GPC5: variants seen among roughly 807,000 people sequenced by gnomAD.
The protein encoded by GPC5 is glypican 5.
A neutral mutation model predicts 53.9 loss-of-function variants in GPC5; 47 were observed. The observed-to-expected ratio is 0.87, with a 90% CI of 0.69 to 1.11. GPC5 has a LOEUF of 1.11. Among genes scored for constraint, GPC5 ranks in the 50% most tolerant of loss-of-function variants. The pLI, the probability that GPC5 is intolerant of heterozygous loss-of-function variation, is 0.00. For missense variants in GPC5, 748 were observed against 713.1 expected (o/e 1.05, Z -0.56); for synonymous variants, 286 against 263.3 (o/e 1.09, Z -0.84).
chr13:92,647,029 T>C (rs1436681480), intron 7 of GPC5, among the ~76,000 whole-genome samples: 7 of 151,748 alleles, frequency 4.6e-5, no homozygotes, highest in African/African-American at 1.7e-4. Flanking sequence ...AGCTTTTCTG[T>C]AGCCTTTTTG....
chr13:91,472,835 T>C (rs1036229503), intron 2 of GPC5, among the ~76,000 whole-genome samples: 12 of 152,210 alleles, frequency 7.9e-5, no homozygotes, highest in Non-Finnish European at 1.6e-4. Context: ...ATTTCACTGT[T>C]GAATTCAACC....
chr13:92,639,554 G>A (rs924251154), intron 7 of GPC5, among the ~76,000 whole-genome samples: 2 of 152,174 alleles, frequency 1.3e-5, no homozygotes, highest in African/African-American at 4.8e-5. Context: ...TTTGTTCATG[G>A]AGTCTTATTT....
At chr13:92,500,469 A>G (rs897208358) in intron 7 of GPC5, among the ~76,000 whole-genome samples, 1 of 152,228 alleles carries the variant, frequency 6.6e-6, no homozygotes, top group Non-Finnish European at 1.5e-5. Context: ...TCTTAGGACC[A>G]CAAGAGTAAA....
chr13:91,583,024 A>AATC (rs201320852), intron 2 of GPC5, among the ~76,000 whole-genome samples: 2,955 of 152,172 alleles, frequency 0.019, 85 homozygotes, highest in African/African-American at 0.067. Context: ...TAAATAAATA[A>AATC]ATCTATTTAT....
intron 7 of GPC5, among the ~76,000 whole-genome samples, chr13:92,307,282 C>T (rs918889016): frequency 2.6e-5 from 4 of 152,090 alleles, no homozygotes; most frequent in African/African-American, 4.8e-5. Flanking sequence ...TGGTGAAACC[C>T]CATCTCTACT....
chr13:92,556,273 G>A (rs993864101), intron 7 of GPC5, among the ~76,000 whole-genome samples: 3 of 151,684 alleles, frequency 2.0e-5, no homozygotes, highest in African/African-American at 7.3e-5. Context: ...AACAAAATTT[G>A]TGTGATCTAG....
Position 91,604,458 on chromosome 13 carries a change from G to A in GPC5, c.326-88729G>A, listed in dbSNP as rs866763768. 4.4e-3 allele frequency among the ~76,000 whole-genome samples: 664 copies of A among 151,486 alleles called. 7 individuals are homozygous for A. Among genetic ancestry groups the A allele is most frequent in the African/African-American group, 0.015 (630 of 41,154 alleles). ...AGCAGCATGATTTATAGTCCTTTGGGTATATACCCAGTAATGGGATGGCTG... is the reference window on the plus strand; with the variant it reads ...AGCAGCATGATTTATAGTCCTTTGGATATATACCCAGTAATGGGATGGCTG... On this transcript the variant is annotated intron_variant, in intron 2 of 7. Coordinates refer to ENST00000377067, the MANE Select transcript of GPC5 (RefSeq NM_004466.6).
intron 7 of GPC5, among the ~76,000 whole-genome samples, chr13:92,256,655 A>T (rs1300228546): frequency 6.6e-6 from 1 of 152,044 alleles, no homozygotes; most frequent in Non-Finnish European, 1.5e-5. Context: ...AAGAGATGTA[A>T]TATTAAGATA....
chr13:92,837,487 C>G (rs1235213797), intron 7 of GPC5, among the ~76,000 whole-genome samples: 1 of 152,070 alleles, frequency 6.6e-6, no homozygotes, highest in Non-Finnish European at 1.5e-5. Context: ...TATTTGCCAG[C>G]TAGGGGTTCA....
At chr13:92,743,651 T>C (rs143452010) in intron 7 of GPC5, among the ~76,000 whole-genome samples, 8 of 152,166 alleles carry the variant, frequency 5.3e-5, no homozygotes, top group African/African-American at 1.4e-4. Context: ...AGACGGCATC[T>C]CTGTCTTGTG....
chr13:91,476,860 A>C (rs149536424), intron 2 of GPC5, among the ~76,000 whole-genome samples: 1 of 152,344 alleles, frequency 6.6e-6, no homozygotes, highest in African/African-American at 2.4e-5. Flanking sequence ...TAGTGGAAGC[A>C]AAGAAAATGG....
chr13:91,692,674 C>T (rs975888803), intron 2 of GPC5, among the ~76,000 whole-genome samples: 12 of 152,258 alleles, frequency 7.9e-5, no homozygotes, highest in Non-Finnish European at 1.6e-4. Flanking sequence ...GACAGAGTCT[C>T]ACTCTGTCAC....
intron 7 of GPC5, among the ~76,000 whole-genome samples, chr13:92,670,921 T>C (rs1316298251): frequency 6.6e-6 from 1 of 152,144 alleles, no homozygotes; most frequent in African/African-American, 2.4e-5. Flanking sequence ...TGCTCCTTGG[T>C]CTGATCTGCA....
At position 92,692,311 on chromosome 13, in the gene GPC5, A is replaced by T. The variant is rs957693975; in HGVS notation, c.1562-173971A>T. 2.6e-5 allele frequency among the ~76,000 whole-genome samples: 4 copies of T among 151,986 alleles called. No individual in the cohort carries two copies. The South Asian group carries it at 8.3e-4, about 32-fold the overall frequency. ...CCTGAGTTGATTCCCTTTCTTTGCT[A>T]TTGTGAATAGTGCTGCAATGAATAT... On this transcript the variant is annotated intron_variant, in intron 7 of 7. Coordinates refer to ENST00000377067, the MANE Select transcript of GPC5 (RefSeq NM_004466.6).
At chr13:91,784,099 CTG>C (rs2037840485) in intron 5 of GPC5, among the ~76,000 whole-genome samples, 1 of 152,210 alleles carries the variant, frequency 6.6e-6, no homozygotes, top group Middle Eastern at 3.4e-3. Context: ...ATTAGACACT[CTG>C]TGAACAGAGG....
chr13:92,119,461 C>G (rs528765981), intron 6 of GPC5, among the ~76,000 whole-genome samples: 1 of 133,634 alleles, frequency 7.5e-6, no homozygotes, highest in Non-Finnish European at 1.5e-5. Context: ...TGCAGTGGCG[C>G]GATCTCGGCT....
chr13:92,840,113 A>G (rs1020887012), intron 7 of GPC5, among the ~76,000 whole-genome samples: 2 of 99,486 alleles, frequency 2.0e-5, no homozygotes, highest in African/African-American at 6.2e-5. Context: ...ATATATATAT[A>G]TATATATATA....
In GPC5 at chr13:92,799,198, G is replaced by C. The variant is rs9556215; in HGVS notation, c.1562-67084G>C. 0.025 allele frequency among the ~76,000 whole-genome samples: 3,842 copies of C among 151,632 alleles called. 382 individuals are homozygous for C. In the East Asian group the frequency reaches 0.32, roughly 13 times the overall value. ...TAAGTGGGAAGGTGGCTGGCCTTAT[G>C]GTTAATTTCACATACTCTGAAATGC... is the stretch of plus-strand genomic sequence containing the variant. On this transcript the variant is annotated intron_variant, in intron 7 of 7. Coordinates refer to ENST00000377067, the MANE Select transcript of GPC5 (RefSeq NM_004466.6).
intron 7 of GPC5, among the ~76,000 whole-genome samples, chr13:92,218,763 G>C (rs1326121238): frequency 1.1e-4 from 16 of 152,092 alleles, no homozygotes; most frequent in Admixed American, 1.0e-3. Flanking sequence ...CACAGATAAC[G>C]GCTGAAGCCA....
Sources: allele counts gnomAD v4.1 joint callset (sites outside exome capture counted in the v4.1 genomes callset), GRCh38; gene constraint gnomAD v4.1.1; transcripts MANE v1.5; gene names NCBI Gene and HGNC (gene_info 2026-07-23, HGNC 2026-07-21).